The following STAG1 variants were observed in gnomAD, a reference collection of about 807,000 sequenced individuals.
The protein encoded by STAG1 is cohesin subunit SA-1.
Under a neutral mutation model 170.9 loss-of-function variants are expected in STAG1, and 26 were observed. The observed-to-expected ratio is 0.15, with a 90% confidence interval of 0.11 to 0.21. The LOEUF (loss-of-function observed/expected upper bound fraction) is 0.21, where lower values mean the gene tolerates loss of function less well. Ranked by LOEUF, STAG1 falls within the 10% of genes least tolerant of loss-of-function variation. STAG1 has a pLI of 1.00. For synonymous variants in STAG1, 514 were observed against 497.7 expected (o/e 1.03, Z -0.44); for missense variants, 964 against 1,509.5 (o/e 0.64, Z 5.99).
chr3:136,396,859 T>C (rs1171655244), intron 22 of STAG1, among the ~76,000 whole-genome samples: 1 of 152,178 alleles, frequency 6.6e-6, no homozygotes, highest in Non-Finnish European at 1.5e-5. Context: ...TCATTACTAA[T>C]AAAAGGTTAA....
At chr3:136,452,367 A>G (rs1437898477) in intron 13 of STAG1, among the ~76,000 whole-genome samples, 3 of 151,972 alleles carry the variant, frequency 2.0e-5, no homozygotes, top group Non-Finnish European at 2.9e-5. Flanking sequence ...GACTGAGACC[A>G]TCCTGGCTAA....
chr3:136,441,791 C>T (rs2107760232), intron 15 of STAG1, among the ~76,000 whole-genome samples: 1 of 152,100 alleles, frequency 6.6e-6, no homozygotes, highest in African/African-American at 2.4e-5. Context: ...ATCTTCACAG[C>T]TATATAAGGT....
chr3:136,702,169 ATGT>A lies in STAG1; in HGVS notation c.-84+50023_-84+50025del, dbSNP rs906368665. 1.0e-4 allele frequency among the ~76,000 whole-genome samples: 8 copies of A among 78,638 alleles called. No homozygotes were observed. The East Asian group carries it at 1.5e-3, about 15-fold the overall frequency. The allele number at this position is 78,638 out of a possible 152,430, so 51.6% of individuals were successfully genotyped here. A position where few individuals can be genotyped will look rare whatever the true frequency, so the allele number is the denominator to read the frequency against. On this transcript the variant is annotated intron_variant, in intron 1 of 33. Coordinates refer to ENST00000383202, the MANE Select transcript of STAG1 (RefSeq NM_005862.3). ...AGACAGAGAGACAGAGAGAATGAGA[ATGT>A]GGTGTGTGTGTAAAGACATGATCTC... is the stretch of plus-strand genomic sequence containing the variant.
intron 1 of STAG1, among the ~76,000 whole-genome samples, chr3:136,707,525 T>C (rs1254406241): frequency 6.6e-6 from 1 of 152,214 alleles, no homozygotes; most frequent in African/African-American, 2.4e-5. Context: ...TATTAGTCCA[T>C]TTTGTGTTGC....
chr3:136,618,563 G>C (rs755098941), intron 3 of STAG1, among the ~76,000 whole-genome samples: 9 of 152,154 alleles, frequency 5.9e-5, no homozygotes, highest in Non-Finnish European at 1.3e-4. Context: ...ATATAGAAGT[G>C]CTGGTTCTCA....
At chr3:136,410,484 C>T (rs1306426899) in intron 21 of STAG1, among the ~76,000 whole-genome samples, 1 of 152,074 alleles carries the variant, frequency 6.6e-6, no homozygotes, top group Admixed American at 6.6e-5. Flanking sequence ...ACAAACAACA[C>T]ATTAGTAGAA....
rs913297631 is a variant in STAG1 at position 136,737,880 on chromosome 3, T to C, written c.-84+14315A>G. On this transcript the variant is annotated intron_variant, in intron 1 of 33. Transcript: ENST00000383202. ...GTCAGGGGTTCAAGACCAGCCTGAC[T>C]AACATGGTGAAACCCCGTCTCTACT... 2.6e-3 allele frequency among the ~76,000 whole-genome samples: 396 copies of C among 151,546 alleles called. 2 individuals carry two copies. The highest frequency in any genetic ancestry group is 9.3e-3 in the African/African-American group (385 of 41,334).
intron 1 of STAG1, among the ~76,000 whole-genome samples, chr3:136,689,152 T>C (rs1481283003): frequency 6.6e-6 from 1 of 152,238 alleles, no homozygotes; most frequent in Admixed American, 6.5e-5. Flanking sequence ...ATTTTGGCCA[T>C]GGTTGAAGCA....
intron 1 of STAG1, among the ~76,000 whole-genome samples, chr3:136,632,703 CT>C (rs1262317380): frequency 6.6e-6 from 1 of 152,040 alleles, no homozygotes; most frequent in Non-Finnish European, 1.5e-5. Context: ...ATTCAAGGTG[CT>C]ACACGCATGC....
chr3:136,545,648 C>T (rs1435847285), intron 5 of STAG1, among the ~76,000 whole-genome samples: 1 of 151,980 alleles, frequency 6.6e-6, no homozygotes, highest in Non-Finnish European at 1.5e-5. Flanking sequence ...CACTTTGATA[C>T]CTTTCAAGCT....
chr3:136,613,336 G>A (rs7638079), intron 3 of STAG1, among the ~76,000 whole-genome samples: 3,870 of 69,920 alleles, frequency 0.055, 8 homozygotes, highest in African/African-American at 0.059. Flanking sequence ...AAAAAAAAAA[G>A]AAATCAGAGT....
intron 3 of STAG1, among the ~76,000 whole-genome samples, chr3:136,607,029 C>T (rs1222165285): frequency 1.3e-5 from 2 of 152,124 alleles, no homozygotes; most frequent in African/African-American, 4.8e-5. Context: ...GGATTACAGG[C>T]TTGAGCCACC....
intron 1 of STAG1, among the ~76,000 whole-genome samples, chr3:136,719,609 GGGTGGGTAGGTGGGTGGCTGGGTA>G (rs1422103758): frequency 2.8e-5 from 4 of 143,368 alleles, no homozygotes; most frequent in Admixed American, 7.1e-5. Flanking sequence ...ATGGATGGGT[GGGTGGGTAGGTGGGTGGCTGGGTA>G]GGTGGGTAGG....
intron 13 of STAG1, among the ~76,000 whole-genome samples, chr3:136,463,786 C>A (rs1198241269): frequency 4.5e-5 from 6 of 132,604 alleles, no homozygotes; most frequent in African/African-American, 8.1e-5. Flanking sequence ...CACACACACA[C>A]ACACATATAC....
chr3:136,468,184 C>G (rs1419129788), intron 12 of STAG1, among the ~76,000 whole-genome samples: 1 of 151,830 alleles, frequency 6.6e-6, no homozygotes, highest in Non-Finnish European at 1.5e-5. Flanking sequence ...GATAGAGACA[C>G]AAAAAACTCT....
At chr3:136,359,385 G>A in intron 26 of STAG1, 89 bp from the exon 27 acceptor site, 2 of 908,672 alleles carry the variant, frequency 2.2e-6, no homozygotes, top group South Asian at 2.5e-5. Context: ...ATATGTAAAA[G>A]GTATAAGGTG....
At chr3:136,396,866 TTAAC>T (rs1395451685) in intron 22 of STAG1, among the ~76,000 whole-genome samples, 1 of 152,118 alleles carries the variant, frequency 6.6e-6, no homozygotes, top group Non-Finnish European at 1.5e-5. Flanking sequence ...TAATAAAAGG[TTAAC>T]TGTTATTTTT....
At chr3:136,676,183 G>A (rs1306763355) in intron 1 of STAG1, among the ~76,000 whole-genome samples, 3 of 152,222 alleles carry the variant, frequency 2.0e-5, no homozygotes, top group Non-Finnish European at 4.4e-5. Context: ...AAAGCTTGCA[G>A]AACTGTAAGT....
intron 6 of STAG1, among the ~76,000 whole-genome samples, chr3:136,525,387 G>A (rs1269078803): frequency 1.3e-5 from 2 of 152,140 alleles, no homozygotes; most frequent in African/African-American, 4.8e-5. Flanking sequence ...TTGCGTAGAG[G>A]TGTTTATAGT....
Sources: gnomAD v4.1 joint callset for allele counts (sites outside exome capture counted in the v4.1 genomes callset) on GRCh38, gnomAD v4.1.1 for gene constraint, MANE v1.5 for transcripts, NCBI Gene and HGNC (gene_info 2026-07-23, HGNC 2026-07-21) for gene names.